The following SNTG2 variants were observed in gnomAD, a reference collection of about 807,000 sequenced individuals.
SNTG2 encodes the protein syntrophin gamma 2, also known as gamma-2-syntrophin.
Under a neutral mutation model 70.9 loss-of-function variants are expected in SNTG2, and 74 were observed. The observed-to-expected ratio is 1.04, with a 90% CI of 0.86 to 1.27. The LOEUF is 1.27. Ranked by LOEUF, SNTG2 falls within the 50% of genes most tolerant of loss-of-function variation. SNTG2 has a pLI of 0.00. For synonymous variants in SNTG2, 278 were observed against 273.8 expected (o/e 1.02, Z -0.15); for missense variants, 717 against 690.7 (o/e 1.04, Z -0.43).
intron 1 of SNTG2, among the ~76,000 whole-genome samples, chr2:1,060,669 A>G (rs1662760920): frequency 6.6e-6 from 1 of 152,228 alleles, no homozygotes; most frequent in Non-Finnish European, 1.5e-5. Flanking sequence ...GAACCTAAGA[A>G]TGATACTAAA....
intron 1 of SNTG2, among the ~76,000 whole-genome samples, chr2:1,051,966 C>T (rs530101206): frequency 1.2e-4 from 18 of 152,216 alleles, no homozygotes; most frequent in African/African-American, 3.6e-4. Flanking sequence ...GGTAAACTAC[C>T]CTTACATTTT....
At chr2:970,221 G>C (rs1298213321) in intron 1 of SNTG2, among the ~76,000 whole-genome samples, 1 of 152,142 alleles carries the variant, frequency 6.6e-6, no homozygotes, top group Admixed American at 6.5e-5. Flanking sequence ...CTACCTAATT[G>C]TGTGGATAAG....
At chr2:1,047,522 T>C (rs1661807789) in intron 1 of SNTG2, among the ~76,000 whole-genome samples, 2 of 152,226 alleles carry the variant, frequency 1.3e-5, no homozygotes, top group African/African-American at 2.4e-5. Context: ...GTAATTTGTG[T>C]ACAGTCAGTT....
intron 6 of SNTG2, 132 bp from the exon 7 acceptor site, chr2:1,165,415 GT>G (rs1237923062): frequency 1.2e-6 from 1 of 845,696 alleles, no homozygotes; most frequent in Non-Finnish European, 1.9e-6. Flanking sequence ...AGCCCACAAA[GT>G]TTTCCGTGTT....
At chr2:1,270,414 T>C (rs1678959544) in intron 14 of SNTG2, among the ~76,000 whole-genome samples, 1 of 152,242 alleles carries the variant, frequency 6.6e-6, no homozygotes, top group Non-Finnish European at 1.5e-5. Flanking sequence ...GCTGGATGCA[T>C]TGCACGTACA....
intron 1 of SNTG2, among the ~76,000 whole-genome samples, chr2:1,055,551 G>C (rs984885279): frequency 6.6e-6 from 1 of 151,826 alleles, no homozygotes; most frequent in Admixed American, 6.6e-5. Flanking sequence ...AATGCCCATC[G>C]AGACAAAAAT....
Position 969,013 on chromosome 2 carries a change from C to A in SNTG2, c.72+17945C>A, listed in dbSNP as rs574566850. Among the ~76,000 whole-genome samples the A allele has an allele frequency of 8.4e-4, 128 of 152,234 alleles. 1 individual carries two copies. Among genetic ancestry groups the A allele is most frequent in the Non-Finnish European group, 1.4e-3 (96 of 68,020 alleles). On this transcript the variant is annotated intron_variant, in intron 1 of 16. Transcript: ENST00000308624. ...ATAGTTTTAGGTTTTACATCTAAGT[C>A]TTTAATGCATTTCGAGTTGATTTTA...
At chr2:1,100,088 C>T (rs574382625) in intron 4 of SNTG2, among the ~76,000 whole-genome samples, 93 of 152,022 alleles carry the variant, frequency 6.1e-4, no homozygotes, top group South Asian at 1.0e-3. Flanking sequence ...TTAGTTGTAA[C>T]CAAGATGGCG....
At chr2:1,088,848 G>C (rs1664840914) in intron 2 of SNTG2, among the ~76,000 whole-genome samples, 1 of 152,166 alleles carries the variant, frequency 6.6e-6, no homozygotes, top group Non-Finnish European at 1.5e-5. Flanking sequence ...GATTTCTCTT[G>C]TGTTTAAAAT....
intron 1 of SNTG2, among the ~76,000 whole-genome samples, chr2:983,673 T>C (rs986433378): frequency 2.0e-5 from 3 of 152,236 alleles, no homozygotes; most frequent in African/African-American, 7.2e-5. Context: ...AAGTGTACGC[T>C]GACCTTCAGT....
intron 14 of SNTG2, among the ~76,000 whole-genome samples, chr2:1,292,146 G>T (rs572075330): frequency 1.1e-4 from 17 of 152,244 alleles, no homozygotes; most frequent in African/African-American, 4.1e-4. Flanking sequence ...TTCGTTGTTA[G>T]CATATAGAAA....
chr2:1,202,465 G>GGA (rs540577313), intron 8 of SNTG2, among the ~76,000 whole-genome samples: 2 of 149,734 alleles, frequency 1.3e-5, no homozygotes, highest in Non-Finnish European at 3.0e-5. Context: ...AGAGGATCGT[G>GGA]AAAAAAAAAT....
intron 14 of SNTG2, among the ~76,000 whole-genome samples, chr2:1,305,416 G>A (rs1175789742): frequency 6.6e-6 from 1 of 152,242 alleles, no homozygotes; most frequent in Non-Finnish European, 1.5e-5. Context: ...TCCCTCCGAT[G>A]TGGGAAGTGG....
intron 1 of SNTG2, among the ~76,000 whole-genome samples, chr2:1,016,538 GC>G (rs142394320): frequency 0.19 from 28,880 of 152,212 alleles, 3,388 homozygotes; most frequent in Middle Eastern, 0.26. Context: ...ACCACGCCCG[GC>G]CGACAACTTT....
At position 1,150,214 on chromosome 2, in the gene SNTG2, C is replaced by T. The variant is rs1313195064; in HGVS notation, c.411+12405C>T. 3.3e-5 allele frequency among the ~76,000 whole-genome samples: 5 copies of T among 152,166 alleles called. No homozygotes were observed. In the East Asian group the frequency reaches 9.6e-4, roughly 29 times the overall value. On this transcript the variant is annotated intron_variant, in intron 6 of 16. Coordinates refer to ENST00000308624, the MANE Select transcript of SNTG2 (RefSeq NM_018968.4). Reference sequence around the variant, plus strand: ...GGAGGTCTGTGTGGAACCCCATTCTCATAGTTCTAGTGTTCTAACAAGCAA... The same window carrying T: ...GGAGGTCTGTGTGGAACCCCATTCTTATAGTTCTAGTGTTCTAACAAGCAA...
At chr2:970,034 C>G (rs1220681370) in intron 1 of SNTG2, among the ~76,000 whole-genome samples, 3 of 152,094 alleles carry the variant, frequency 2.0e-5, no homozygotes, top group Non-Finnish European at 2.9e-5. Flanking sequence ...GAGGAATATA[C>G]CTTCATTGCC....
intron 1 of SNTG2, among the ~76,000 whole-genome samples, chr2:1,054,267 C>T (rs574603836): frequency 2.0e-3 from 119 of 60,280 alleles, no homozygotes; most frequent in Non-Finnish European, 3.1e-3. Context: ...AGACCTCAGC[C>T]GTTCCCACCC....
chr2:988,365 TTC>T (rs573412190), intron 1 of SNTG2, among the ~76,000 whole-genome samples: 169 of 152,348 alleles, frequency 1.1e-3, no homozygotes, highest in Middle Eastern at 0.01. Flanking sequence ...TACTGGCCTG[TTC>T]TGTGTCCCTA....
chr2:1,221,435 C>G, intron 9 of SNTG2, among the ~76,000 whole-genome samples: 2 of 131,290 alleles, frequency 1.5e-5, no homozygotes, highest in Non-Finnish European at 3.2e-5. Flanking sequence ...CTGTCTCTCT[C>G]TGTCTCTGTC....
Sources: gnomAD v4.1 joint callset for allele counts (sites outside exome capture counted in the v4.1 genomes callset) on GRCh38, gnomAD v4.1.1 for gene constraint, MANE v1.5 for transcripts, NCBI Gene and HGNC (gene_info 2026-07-23, HGNC 2026-07-21) for gene names.